AZIN1: variants seen among roughly 807,000 people sequenced by gnomAD.
AZIN1 encodes antizyme inhibitor 1, also known as ornithine decarboxylase antizyme inhibitor.
A neutral mutation model predicts 47.4 loss-of-function variants in AZIN1; 12 were observed. The observed-to-expected ratio is 0.25, with a 90% CI of 0.16 to 0.41. The LOEUF is 0.41. AZIN1 is among the 10% of genes least tolerant of loss of function. AZIN1 has a pLI of 1.00. For synonymous variants in AZIN1, 155 were observed against 176.3 expected (o/e 0.88, Z 0.96); for missense variants, 410 against 532.4 (o/e 0.77, Z 2.26).
At position 102,828,470 on chromosome 8, in the gene AZIN1, A is replaced by T; in HGVS notation, c.*97T>A. 2.6e-6 allele frequency: 2 copies of T among 776,974 alleles called. No homozygotes were observed. The highest frequency in any genetic ancestry group is 1.8e-5 in the African/African-American group (1 of 56,642). The allele number at this position is 776,974 out of a possible 1,614,324, so 48.1% of individuals were successfully genotyped here. A position where few individuals can be genotyped will look rare whatever the true frequency, so the allele number is the denominator to read the frequency against. Reference sequence around the variant, plus strand: ...AATAGTTTTTGTTGCCAAAAGAATTAAGAGAATAAGATTGTTTAAATTATT... The same window carrying T: ...AATAGTTTTTGTTGCCAAAAGAATTTAGAGAATAAGATTGTTTAAATTATT... On this transcript the variant is annotated 3_prime_UTR_variant, in exon 12 of 12. Transcript: ENST00000337198.
rs1182652344 is a variant in AZIN1 at position 102,826,604 on chromosome 8, T to TA, written c.*1962dup. The TA allele has an allele frequency of 6.5e-6, 1 of 152,682 alleles. No homozygotes were observed. The highest frequency in any genetic ancestry group is 2.4e-5 in the African/African-American group (1 of 41,466). The allele number at this position is 152,682 out of a possible 1,614,324, so 9.5% of individuals were successfully genotyped here. A position where few individuals can be genotyped will look rare whatever the true frequency, so the allele number is the denominator to read the frequency against. On this transcript the variant is annotated 3_prime_UTR_variant, in exon 12 of 12. Coordinates refer to ENST00000337198, the MANE Select transcript of AZIN1 (RefSeq NM_148174.4). ...TACAATACAGACATTTCTTAAAAGTTACCGTATCATTCACATGTGATATTT... is the reference window on the plus strand; with the variant it reads ...TACAATACAGACATTTCTTAAAAGTTAACCGTATCATTCACATGTGATATTT...
At chr8:102,863,618 C>T (rs1813903707) in intron 1 of AZIN1, among the ~76,000 whole-genome samples, 189 bp downstream of exon 1, 1 of 124,242 alleles carries the variant, frequency 8.0e-6, no homozygotes, top group Admixed American at 8.3e-5. Context: ...CGCGGCCCGC[C>T]GCCCAGCCCC....
chr8:102,862,603 C>T (rs1233856407), intron 1 of AZIN1, among the ~76,000 whole-genome samples: 1 of 152,166 alleles, frequency 6.6e-6, no homozygotes, highest in Non-Finnish European at 1.5e-5. Flanking sequence ...TCTGCCAACC[C>T]TTGCTGTATT....
At position 102,827,055 on chromosome 8, in the gene AZIN1, G is replaced by A. The variant is rs368213680; in HGVS notation, c.*1512C>T. On this transcript the variant is annotated 3_prime_UTR_variant, in exon 12 of 12. Transcript: ENST00000337198. ...TTCATGATCAATTTCTTTCCACCTC[G>A]AAATCAAGGTGTAAAAACCAGCTAT... 6.6e-6 allele frequency: 1 copy of A among 152,480 alleles called. No homozygotes were observed. The highest frequency in any genetic ancestry group is 2.1e-4 in the South Asian group (1 of 4,826). The allele number at this position is 152,480 out of a possible 1,614,324, so 9.4% of individuals were successfully genotyped here.
intron 5 of AZIN1, 93 bp downstream of exon 5, chr8:102,838,651 C>T: frequency 1.0e-6 from 1 of 1,000,838 alleles, no homozygotes; most frequent in Non-Finnish European, 1.5e-6. Flanking sequence ...ACATCATTGC[C>T]CTACCACAAA....
chr8:102,844,219 A>C (rs1812408093), intron 2 of AZIN1, among the ~76,000 whole-genome samples: 1 of 152,216 alleles, frequency 6.6e-6, no homozygotes, highest in Non-Finnish European at 1.5e-5. Flanking sequence ...TATAAATAAA[A>C]GTCCTGGCCG....
intron 2 of AZIN1, chr8:102,854,494 G>A (rs1460745944): frequency 2.6e-5 from 4 of 151,434 alleles, no homozygotes; most frequent in Non-Finnish European, 5.9e-5. Context: ...CTACTTGGGA[G>A]GCTGAGGCGG....
In AZIN1 at chr8:102,839,649, CT is replaced by C; in HGVS notation, c.276del (p.Asn93MetfsTer5). ...ALGTGFACSSKNEMALVQELG... is the reference protein window; with the variant it reads ...ALGTGFACSSXNEMALVQELG... ...TTAGTTAAAAAATGAAAAATACTTA[CT>C]TTACTGGAACAAGCAAATCCGGTTC... On this transcript the variant is annotated frameshift_variant and splice_region_variant, in exon 4 of 12. Transcript: ENST00000337198. LOFTEE classifies it high-confidence loss of function. The C allele has an allele frequency of 6.5e-7, 1 of 1,539,560 alleles. No homozygotes were observed. The highest frequency in any genetic ancestry group is 1.3e-5 in the South Asian group (1 of 77,884).
intron 2 of AZIN1, chr8:102,854,670 CCTA>C (rs946258772): frequency 4.6e-4 from 68 of 148,260 alleles, no homozygotes; most frequent in Middle Eastern, 3.5e-3. Flanking sequence ...GTAGGGAGCT[CCTA>C]CTAAGGCATG....
intron 11 of AZIN1, 141 bp from the exon 12 acceptor site, chr8:102,828,819 C>T: frequency 3.3e-6 from 2 of 600,300 alleles, no homozygotes; most frequent in South Asian, 4.2e-5. Context: ...GATAGTCATG[C>T]ACTGCAGAGT....
At chr8:102,859,767 C>T (rs142603626) in intron 1 of AZIN1, among the ~76,000 whole-genome samples, 91 of 152,180 alleles carry the variant, frequency 6.0e-4, no homozygotes, top group African/African-American at 2.0e-3. Context: ...ACTCAAGAGG[C>T]GGAGGTTGCA....
chr8:102,847,723 C>T (rs937673817), intron 2 of AZIN1, among the ~76,000 whole-genome samples: 1 of 152,146 alleles, frequency 6.6e-6, no homozygotes, highest in Admixed American at 6.5e-5. Context: ...GCTGAGACTA[C>T]AGGCACATGC....
chr8:102,848,342 A>C (rs1014564283), intron 2 of AZIN1, among the ~76,000 whole-genome samples: 5 of 149,318 alleles, frequency 3.3e-5, no homozygotes, highest in African/African-American at 1.3e-4. Context: ...AAAAAAAAAA[A>C]AAAGCCAATT....
chr8:102,853,197 T>G (rs766756349), intron 2 of AZIN1, among the ~76,000 whole-genome samples: 1 of 152,246 alleles, frequency 6.6e-6, no homozygotes, highest in Non-Finnish European at 1.5e-5. Flanking sequence ...GCAAAAGCCA[T>G]TTATCCCGTT....
intron 1 of AZIN1, among the ~76,000 whole-genome samples, chr8:102,862,997 C>T (rs2131298842): frequency 6.6e-6 from 1 of 152,338 alleles, no homozygotes; most frequent in East Asian, 1.9e-4. Context: ...AACCATGGCG[C>T]GGACGGAAAA....
chr8:102,851,148 T>A (rs1011063134), intron 2 of AZIN1, among the ~76,000 whole-genome samples: 1 of 152,236 alleles, frequency 6.6e-6, no homozygotes, highest in African/African-American at 2.4e-5. Context: ...GAAATATTTA[T>A]ATCCCTTTTG....
intron 3 of AZIN1, among the ~76,000 whole-genome samples, chr8:102,841,805 TAAAAAA>T (rs1269379100): frequency 1.7e-5 from 2 of 114,444 alleles, no homozygotes; most frequent in African/African-American, 6.5e-5. Flanking sequence ...TATATATATA[TAAAAAA>T]AAAAAAAAAA....
At chr8:102,847,041 C>A (rs566656384) in intron 2 of AZIN1, among the ~76,000 whole-genome samples, 10 of 152,264 alleles carry the variant, frequency 6.6e-5, no homozygotes, top group Non-Finnish European at 1.5e-4. Context: ...GTTGACTATT[C>A]ATCTTTGAAA....
intron 2 of AZIN1, among the ~76,000 whole-genome samples, chr8:102,844,880 C>T (rs963977467): frequency 6.6e-6 from 1 of 152,202 alleles, no homozygotes; most frequent in Admixed American, 6.5e-5. Context: ...TCCCCCGGAG[C>T]ACTCATTGTC....
Sources: allele counts gnomAD v4.1 joint callset (sites outside exome capture counted in the v4.1 genomes callset), GRCh38; gene constraint gnomAD v4.1.1; transcripts MANE v1.5; gene names NCBI Gene and HGNC (gene_info 2026-07-23, HGNC 2026-07-21).